AGMO: variants seen among roughly 807,000 people sequenced by gnomAD.
AGMO encodes alkylglycerol monooxygenase.
A neutral mutation model predicts 60.2 loss-of-function variants in AGMO; 75 were observed. The observed-to-expected ratio is 1.25, with a 90% CI of 1.03 to 1.51. The LOEUF (loss-of-function observed/expected upper bound fraction) is 1.51. AGMO is among the 40% of genes most tolerant of loss of function. The probability of loss-of-function intolerance (pLI) is 0.00; values close to 1 mark genes in which losing one functional copy is unlikely to be tolerated. For missense variants in AGMO, 763 were observed against 525.5 expected (o/e 1.45, Z -4.42); for synonymous variants, 261 against 177.1 (o/e 1.47, Z -3.76).
chr7:15,510,756 C>A (rs1190348998), intron 3 of AGMO, among the ~76,000 whole-genome samples: 1 of 149,506 alleles, frequency 6.7e-6, no homozygotes, highest in African/African-American at 2.4e-5. Flanking sequence ...CTCTACTTAA[C>A]GTTATTGACA....
chr7:15,181,753 A>G, the AGMO span, among the ~76,000 whole-genome samples: 1 of 152,156 alleles, frequency 6.6e-6, no homozygotes, highest in Non-Finnish European at 1.5e-5. Flanking sequence ...TGCTTTATAT[A>G]GTTTTAGTAT....
At chr7:15,329,631 G>A (rs978481298) in intron 12 of AGMO, among the ~76,000 whole-genome samples, 11 of 152,302 alleles carry the variant, frequency 7.2e-5, no homozygotes, top group Admixed American at 4.6e-4. Flanking sequence ...TGATACTAAA[G>A]GCGTCGCTTA....
the AGMO span, among the ~76,000 whole-genome samples, chr7:15,184,427 A>G: frequency 2.9e-5 from 4 of 137,820 alleles, no homozygotes; most frequent in South Asian, 2.5e-4. Context: ...GAAGGAAAAG[A>G]AGGAAGGAAG....
chr7:15,123,896 C>T, the AGMO span, among the ~76,000 whole-genome samples: 1,269 of 152,142 alleles, frequency 8.3e-3, 19 homozygotes, highest in Admixed American at 0.036. Flanking sequence ...AGTGAGCGTA[C>T]GCTTTGCTGG....
At chr7:15,158,524 G>C in the AGMO span, among the ~76,000 whole-genome samples, 1 of 152,178 alleles carries the variant, frequency 6.6e-6, no homozygotes, top group Non-Finnish European at 1.5e-5. Context: ...TGGTTTTTCA[G>C]GTTTTGTTTT....
chr7:15,321,658 T>G (rs1781112302), intron 12 of AGMO, among the ~76,000 whole-genome samples: 1 of 152,120 alleles, frequency 6.6e-6, no homozygotes. Flanking sequence ...ACATATATGA[T>G]GTCTACATCT....
At chr7:15,393,019 G>A (rs995448330) in intron 6 of AGMO, among the ~76,000 whole-genome samples, 4 of 152,192 alleles carry the variant, frequency 2.6e-5, no homozygotes, top group Non-Finnish European at 4.4e-5. Flanking sequence ...ACGGCTATAT[G>A]GGTTCTCAAG....
chr7:15,537,379 A>G (rs998920936), intron 3 of AGMO, among the ~76,000 whole-genome samples: 1 of 152,148 alleles, frequency 6.6e-6, no homozygotes, highest in African/African-American at 2.4e-5. Flanking sequence ...TTTTTCTGCA[A>G]TGTAAGAGTT....
At chr7:15,486,341 G>A (rs1415322546) in intron 3 of AGMO, among the ~76,000 whole-genome samples, 1 of 152,082 alleles carries the variant, frequency 6.6e-6, no homozygotes, top group Non-Finnish European at 1.5e-5. Context: ...GTTCAAACCC[G>A]TGACCCTGGA....
chr7:15,454,374 CACACAA>C (rs1204287306), intron 3 of AGMO, among the ~76,000 whole-genome samples: 4 of 58,184 alleles, frequency 6.9e-5, no homozygotes, highest in African/African-American at 2.7e-4. Flanking sequence ...CACACACACA[CACACAA>C]ACACACAAAC....
intron 12 of AGMO, among the ~76,000 whole-genome samples, chr7:15,347,097 C>T (rs1782062624): frequency 6.6e-6 from 1 of 151,948 alleles, no homozygotes; most frequent in Non-Finnish European, 1.5e-5. Context: ...CTTTAAATGA[C>T]TCTGTGAAAC....
At chr7:15,446,285 AG>A (rs1211544582) in intron 3 of AGMO, among the ~76,000 whole-genome samples, 1 of 152,198 alleles carries the variant, frequency 6.6e-6, no homozygotes, top group Non-Finnish European at 1.5e-5. Context: ...CAATGATTTA[AG>A]TACATTTCTC....
At chr7:15,502,622 G>C (rs1023039023) in intron 3 of AGMO, among the ~76,000 whole-genome samples, 2 of 151,842 alleles carry the variant, frequency 1.3e-5, no homozygotes, top group Admixed American at 1.3e-4. Context: ...GGGTAAATTA[G>C]TCTAAGCAAT....
At chr7:15,254,482 G>T (rs1375854026) in intron 12 of AGMO, among the ~76,000 whole-genome samples, 1 of 151,938 alleles carries the variant, frequency 6.6e-6, no homozygotes, top group Non-Finnish European at 1.5e-5. Context: ...TATCCTTGAT[G>T]GTTAGTAATG....
intron 12 of AGMO, among the ~76,000 whole-genome samples, chr7:15,210,722 A>C (rs1781565521): frequency 6.6e-6 from 1 of 152,072 alleles, no homozygotes; most frequent in Non-Finnish European, 1.5e-5. Context: ...CAATAATTCA[A>C]AATAAATCTT....
chr7:15,353,481 CCCTG>C (rs1782336779), intron 12 of AGMO, among the ~76,000 whole-genome samples: 1 of 152,108 alleles, frequency 6.6e-6, no homozygotes, highest in Non-Finnish European at 1.5e-5. Context: ...TGGGGGGAAT[CCCTG>C]CCTGTTTTCA....
intron 12 of AGMO, among the ~76,000 whole-genome samples, chr7:15,361,241 T>TAC (rs1370728539): frequency 6.6e-6 from 1 of 150,706 alleles, no homozygotes; most frequent in Non-Finnish European, 1.5e-5. Context: ...TTCCTCTCAG[T>TAC]ACCTATCACA....
At chr7:15,414,103 G>A (rs952910632) in intron 5 of AGMO, among the ~76,000 whole-genome samples, 6 of 151,994 alleles carry the variant, frequency 3.9e-5, no homozygotes, top group Admixed American at 3.9e-4. Context: ...CGCCTCCCAG[G>A]TTCATGCCAT....
the AGMO span, among the ~76,000 whole-genome samples, chr7:15,129,237 C>A: frequency 1.3e-5 from 2 of 152,052 alleles, no homozygotes. Flanking sequence ...GTTTCCAGGG[C>A]TGGTTGCTAC....
Sources: allele counts gnomAD v4.1 joint callset (sites outside exome capture counted in the v4.1 genomes callset), GRCh38; gene constraint gnomAD v4.1.1; transcripts MANE v1.5; gene names NCBI Gene and HGNC (gene_info 2026-07-23, HGNC 2026-07-21).